UBE3B: variants seen among roughly 807,000 people sequenced by gnomAD.
UBE3B encodes ubiquitin-protein ligase E3B.
Under a neutral mutation model 132.3 loss-of-function variants are expected in UBE3B, and 80 were observed. The observed-to-expected ratio is 0.60, with a 90% confidence interval of 0.50 to 0.73. The LOEUF (loss-of-function observed/expected upper bound fraction) is 0.73. UBE3B is among the 30% of genes least tolerant of loss of function. UBE3B has a pLI of 0.00. For synonymous variants in UBE3B, 487 were observed against 520.4 expected (o/e 0.94, Z 0.87); for missense variants, 1,196 against 1,362.5 (o/e 0.88, Z 1.92).
At chr12:109,513,994 A>G (rs1880682938) in intron 18 of UBE3B, among the ~76,000 whole-genome samples, 1 of 152,154 alleles carries the variant, frequency 6.6e-6, no homozygotes, top group African/African-American at 2.4e-5. Context: ...CTCTGTTACC[A>G]TTATACCATC....
intron 15 of UBE3B, chr12:109,508,822 A>C (rs914994389): frequency 2.3e-6 from 2 of 876,456 alleles, no homozygotes; most frequent in Non-Finnish European, 2.7e-6. Context: ...GTTCTTTCAA[A>C]CATTTATTCA....
chr12:109,493,688 G>A (rs1877787661), intron 9 of UBE3B, among the ~76,000 whole-genome samples: 1 of 152,208 alleles, frequency 6.6e-6, no homozygotes, highest in African/African-American at 2.4e-5. Context: ...TATAGTGAAA[G>A]TCTATAAAAT....
At chr12:109,493,533 T>C (rs1335171808) in intron 9 of UBE3B, among the ~76,000 whole-genome samples, 1 of 152,250 alleles carries the variant, frequency 6.6e-6, no homozygotes, top group Non-Finnish European at 1.5e-5. Flanking sequence ...CTGTATGTAT[T>C]AGATTCCATT....
intron 9 of UBE3B, among the ~76,000 whole-genome samples, chr12:109,495,978 G>A (rs1374541657): frequency 2.0e-5 from 3 of 152,158 alleles, no homozygotes; most frequent in Non-Finnish European, 2.9e-5. Context: ...GCCAGATTTT[G>A]GGGGCCTATT....
chr12:109,483,026 T>C (rs907471305), intron 2 of UBE3B, among the ~76,000 whole-genome samples: 53 of 152,368 alleles, frequency 3.5e-4, no homozygotes, highest in African/African-American at 1.2e-3. Flanking sequence ...ATTTGTTTAG[T>C]GAATGGATGA....
intron 13 of UBE3B, among the ~76,000 whole-genome samples, chr12:109,501,781 A>G (rs1879029902): frequency 2.6e-5 from 4 of 152,098 alleles, no homozygotes; most frequent in African/African-American, 9.6e-5. Context: ...TCCCAAGTAT[A>G]ATAGCTGGGA....
chr12:109,495,470 C>G (rs1015176469), intron 9 of UBE3B, among the ~76,000 whole-genome samples: 1 of 152,154 alleles, frequency 6.6e-6, no homozygotes, highest in Non-Finnish European at 1.5e-5. Context: ...CAGAGTTGTG[C>G]AACCATCACC....
intron 14 of UBE3B, among the ~76,000 whole-genome samples, chr12:109,505,537 T>G (rs561923162): frequency 1.3e-5 from 2 of 152,350 alleles, no homozygotes; most frequent in East Asian, 3.9e-4. Context: ...TTTAACCTAT[T>G]TTTGAATTGT....
At chr12:109,485,893 GT>G in intron 4 of UBE3B, 118 bp from the exon 5 acceptor site, 1 of 1,046,846 alleles carries the variant, frequency 9.6e-7, no homozygotes, top group Non-Finnish European at 1.4e-6. Context: ...ATGTGATTAT[GT>G]GTGAATCACC....
chr12:109,500,766 A>G (rs1359554749), intron 12 of UBE3B, among the ~76,000 whole-genome samples: 1 of 152,162 alleles, frequency 6.6e-6, no homozygotes, highest in African/African-American at 2.4e-5. Flanking sequence ...TCCCTTTGAT[A>G]GGGCTTTCTA....
At chr12:109,506,884 A>G (rs1879758926) in intron 14 of UBE3B, among the ~76,000 whole-genome samples, 1 of 152,232 alleles carries the variant, frequency 6.6e-6, no homozygotes, top group Non-Finnish European at 1.5e-5. Context: ...AGCTTCAATC[A>G]ATCACAGGTG....
intron 9 of UBE3B, among the ~76,000 whole-genome samples, chr12:109,497,136 G>C (rs1878300532): frequency 3.3e-5 from 5 of 151,658 alleles, no homozygotes; most frequent in Admixed American, 3.3e-4. Context: ...AGCAATACAT[G>C]CTTATTGTAG....
chr12:109,490,626 G>A (rs1158414385), intron 8 of UBE3B: 18 of 1,530,926 alleles, frequency 1.2e-5, no homozygotes, highest in East Asian at 4.9e-5. Context: ...ATAATTAAAC[G>A]GCTTCTAAAA....
At position 109,516,887 on chromosome 12, in the gene UBE3B, G is replaced by T; in HGVS notation, c.2076+3G>T. 6.2e-7 allele frequency: 1 copy of T among 1,613,764 alleles called. No individual in the cohort carries two copies. The highest frequency in any genetic ancestry group is 8.5e-7 in the Non-Finnish European group (1 of 1,179,904). ...TCCGCCGGTCCAGGATGCTGGAGGT[G>T]AGTGTGAAGCCTATGGAATCCTACC... On this transcript the variant is annotated splice_donor_region_variant and intron_variant, in intron 19 of 27. Transcript: ENST00000342494.
the UBE3B span, among the ~76,000 whole-genome samples, chr12:109,547,052 C>T: frequency 6.6e-6 from 1 of 151,844 alleles, no homozygotes; most frequent in Non-Finnish European, 1.5e-5. The surrounding 1 kb of genome is among the most constrained non-coding windows in gnomAD (Gnocchi z 4.1). Flanking sequence ...AAAGGAGAAA[C>T]CAATAAGATA....
chr12:109,511,071 G>T (rs1165240403), intron 17 of UBE3B, 133 bp from the exon 18 acceptor site: 2 of 749,790 alleles, frequency 2.7e-6, no homozygotes, highest in African/African-American at 3.5e-5. Context: ...AATGAGTATG[G>T]TCATGTTCCC....
chr12:109,480,805 C>T (rs925847129), intron 1 of UBE3B, among the ~76,000 whole-genome samples: 1 of 152,030 alleles, frequency 6.6e-6, no homozygotes, highest in African/African-American at 2.4e-5. Flanking sequence ...AAATACAGAC[C>T]AATTAAGAAA....
chr12:109,517,987 CAGTGG>C, intron 19 of UBE3B: 1 of 434,116 alleles, frequency 2.3e-6, no homozygotes, highest in Non-Finnish European at 4.7e-6. Context: ...GTGTGCTGAA[CAGTGG>C]ATGTTTCTGA....
chr12:109,523,166 G>A (rs1881913703), intron 21 of UBE3B, among the ~76,000 whole-genome samples: 1 of 152,194 alleles, frequency 6.6e-6, no homozygotes, highest in Non-Finnish European at 1.5e-5. Context: ...GTGTCATCAA[G>A]TCCGAGTGAC....
Sources: gnomAD v4.1 joint callset for allele counts (sites outside exome capture counted in the v4.1 genomes callset) on GRCh38, gnomAD v4.1.1 for gene constraint, Gnocchi (gnomAD v3.1) non-coding constraint, MANE v1.5 for transcripts, NCBI Gene and HGNC (gene_info 2026-07-23, HGNC 2026-07-21) for gene names.